Variants in HMCN2 observed in about 807,000 individuals in gnomAD.
The protein encoded by HMCN2 is hemicentin 2.
Under a neutral mutation model 377.5 loss-of-function variants are expected in HMCN2, and 325 were observed. The ratio of observed to expected loss-of-function variants is 0.86; its 90% confidence interval spans 0.79 to 0.94. The LOEUF (loss-of-function observed/expected upper bound fraction) is 0.94, where lower values mean the gene tolerates loss of function less well. Ranked by LOEUF, HMCN2 falls within the 40% of genes least tolerant of loss-of-function variation. HMCN2 has a pLI of 0.00. For synonymous variants in HMCN2, 2,007 were observed against 2,046.8 expected (o/e 0.98, Z 0.53); for missense variants, 4,543 against 4,725.3 (o/e 0.96, Z 1.13).
chr9:130,422,752 G>C lies in HMCN2; in HGVS notation c.13381+26G>C. On this transcript the variant is annotated intron_variant, in intron 87 of 97. Coordinates refer to ENST00000683500, the MANE Select transcript of HMCN2 (RefSeq NM_001291815.2). The surrounding 1 kb of genome is among the most constrained non-coding windows in gnomAD (Gnocchi z 4.2). The stretch of plus-strand genomic sequence containing the variant: ...GTGAGTGGAAGGCAGAGCATCACCT[G>C]CCTCTGGGTTATTGTCACAGCCCAG... 1 of 1,265,418 alleles carries C rather than the reference G, an allele frequency of 7.9e-7. No homozygotes were observed. The highest frequency in any genetic ancestry group is 4.2e-5 in the Admixed American group (1 of 23,832). The allele number at this position is 1,265,418 out of a possible 1,614,324, so 78.4% of individuals were successfully genotyped here.
chr9:130,393,893 G>T lies in HMCN2; in HGVS notation c.10386G>T (p.Glu3462Asp). Residue 3462 changes from glutamate to aspartate, a missense_variant, in exon 68 of 98, where the codon GAG becomes GAT. By Grantham distance (45) the Glu-to-Asp change is conservative. Around this residue, in one of 5 missense-constraint regions of HMCN2, gnomAD observed 1,073 missense variants for 1,319.5 expected, o/e 0.81. Transcript: ENST00000683500. The surrounding 1 kb of genome is among the most constrained non-coding windows in gnomAD (Gnocchi z 5.2). ...DGEPLLSQSL[E>D]QGPSLQLEAV... ...AACCCTTGTTGTCCCAGAGCCTCGA[G>T]CAGGGGCCCAGCCTGCAGCTGGAGG... The T allele has an allele frequency of 7.8e-7, 1 of 1,289,682 alleles. No homozygotes were observed. The highest frequency in any genetic ancestry group is 1.0e-6 in the Non-Finnish European group (1 of 988,820). 79.9% of individuals were successfully genotyped at this position (1,289,682 alleles called of 1,614,324 possible).
At chr9:130,376,825 G>C (rs10901254) in intron 52 of HMCN2, among the ~76,000 whole-genome samples, 167 bp downstream of exon 52, 95,926 of 151,960 alleles carry the variant, frequency 0.63, 32,255 homozygotes, top group East Asian at 0.85. Flanking sequence ...GAGATGGAGT[G>C]TTGCTCTGTC....
At chr9:130,272,647 C>T (rs1221524320) in intron 1 of HMCN2, among the ~76,000 whole-genome samples, 2 of 152,138 alleles carry the variant, frequency 1.3e-5, no homozygotes, top group East Asian at 3.9e-4. Context: ...TCCCCAAGCT[C>T]AGGTGATCCT....
At chr9:130,293,278 A>ATTTTTTTTTTTTTTTTTTTTTTT (rs1554930691) in intron 4 of HMCN2, among the ~76,000 whole-genome samples, 2 of 30,018 alleles carry the variant, frequency 6.7e-5, no homozygotes, top group African/African-American at 2.3e-4. Flanking sequence ...TACTCACTAA[A>ATTTTTTTTTTTTTTTTTTTTTTT]GTTTTTTTTT....
intron 90 of HMCN2, among the ~76,000 whole-genome samples, 181 bp downstream of exon 90, chr9:130,426,105 A>AC (rs932555497): frequency 1.3e-5 from 2 of 149,000 alleles, no homozygotes; most frequent in Admixed American, 6.7e-5. Flanking sequence ...CCATCCATCC[A>AC]CCCCCCACTC....
intron 84 of HMCN2, 79 bp downstream of exon 84, chr9:130,409,012 C>A: frequency 1.0e-6 from 1 of 966,282 alleles, no homozygotes; most frequent in Middle Eastern, 4.3e-4. Context: ...GAGGGTTCTT[C>A]CTATTGCCCC....
At chr9:130,388,865 T>C (rs533792425) in intron 62 of HMCN2, among the ~76,000 whole-genome samples, 2 of 152,330 alleles carry the variant, frequency 1.3e-5, no homozygotes, top group South Asian at 4.1e-4. Flanking sequence ...GCCCACTGGC[T>C]GACACTGGGC....
intron 25 of HMCN2, among the ~76,000 whole-genome samples, chr9:130,345,774 C>T (rs1256214069): frequency 6.6e-6 from 1 of 151,944 alleles, no homozygotes; most frequent in African/African-American, 2.4e-5. Flanking sequence ...CAAGGACACC[C>T]AGAGCGTGGG....
chr9:130,425,866 G>C lies in HMCN2; in HGVS notation c.13821G>C (p.Ser4607=), dbSNP rs1334451945. The C allele has an allele frequency of 1.9e-6, 3 of 1,550,224 alleles. No homozygotes were observed. Among genetic ancestry groups the C allele is most frequent in the African/African-American group, 1.4e-5 (1 of 73,036 alleles). The part of the protein sequence containing the change: ...VQHLRASAIS[S]AFDPEAEALR... ...ACCTGCGGGCCTCAGCTATCAGCTC[G>C]GCCTTTGATCCAGAGGCCGAGGCCC... The change falls in exon 90 of 98, where the codon TCG becomes TCC. Residue 4607 remains serine (S), a synonymous_variant. Transcript: ENST00000683500.
chr9:130,357,896 A>G lies in HMCN2; in HGVS notation c.5488A>G (p.Thr1830Ala). ...NITAPFLQPV[T>A]LQCIGDGVPT... ...CACAGCTCCTTTCCTGCAGCCTGTG[A>G]CCCTCCAGTGCATAGGGGATGGGGT... Residue 1830 changes from threonine (T) to alanine (A), a missense_variant, in exon 35 of 98, where the codon ACC becomes GCC. Coordinates refer to ENST00000683500, the MANE Select transcript of HMCN2 (RefSeq NM_001291815.2). 7.7e-7 allele frequency: 1 copy of G among 1,303,692 alleles called. No individual in the cohort carries two copies. The highest frequency in any genetic ancestry group is 1.2e-5 in the South Asian group (1 of 80,984). 80.8% of individuals were successfully genotyped at this position (1,303,692 alleles called of 1,614,324 possible).
At chr9:130,356,769 T>A (rs1263006231) in intron 34 of HMCN2, among the ~76,000 whole-genome samples, 1 of 152,238 alleles carries the variant, frequency 6.6e-6, no homozygotes, top group East Asian at 1.9e-4. Flanking sequence ...ATCTCCACTG[T>A]CCACCTCTGT....
At position 130,394,600 on chromosome 9, in the gene HMCN2, G is replaced by A. The variant is rs373087074; in HGVS notation, c.10692+25G>A. On this transcript the variant is annotated intron_variant, in intron 69 of 97. Coordinates refer to ENST00000683500, the MANE Select transcript of HMCN2 (RefSeq NM_001291815.2). The surrounding 1 kb of genome is among the most constrained non-coding windows in gnomAD (Gnocchi z 5.1). ...GGTACCAGTGCCGCCGCCATGGGGCGAGGCTGGGGGTTGGGGGAGAGGGGA... is the reference window on the plus strand; with the variant it reads ...GGTACCAGTGCCGCCGCCATGGGGCAAGGCTGGGGGTTGGGGGAGAGGGGA... The A allele has an allele frequency of 5.9e-5, 74 of 1,263,844 alleles. No homozygotes were observed. In the African/African-American group the frequency reaches 1.0e-3, roughly 17 times the overall value. 78.3% of individuals were successfully genotyped at this position (1,263,844 alleles called of 1,614,324 possible).
Position 130,403,631 on chromosome 9 carries a change from T to C in HMCN2, c.12014-110T>C, listed in dbSNP as rs2131724545. The C allele has an allele frequency of 6.2e-6, 7 of 1,135,172 alleles. No individual in the cohort carries two copies. In the South Asian group the frequency reaches 1.0e-4, roughly 17 times the overall value. The allele number at this position is 1,135,172 out of a possible 1,614,324, so 70.3% of individuals were successfully genotyped here. A position where few individuals can be genotyped will look rare whatever the true frequency, so the allele number is the denominator to read the frequency against. On this transcript the variant is annotated intron_variant, in intron 79 of 97. Transcript: ENST00000683500. Reference sequence around the variant, plus strand: ...CTCCTTCTGTCCCTTGGTCATTCTGTGACCCCAGCAAGTCATTTGCTGCCT... The same window carrying C: ...CTCCTTCTGTCCCTTGGTCATTCTGCGACCCCAGCAAGTCATTTGCTGCCT...
chr9:130,427,531 C>T lies in HMCN2; in HGVS notation c.13977C>T (p.Cys4659=). Residue 4659 remains cysteine (C), a synonymous_variant, in exon 92 of 98, where the codon TGC becomes TGT. Coordinates refer to ENST00000683500, the MANE Select transcript of HMCN2 (RefSeq NM_001291815.2). ...RDECSGGPSP[C]SHACLNAPGR... ...AGTGCTCAGGAGGCCCTAGCCCCTG[C>T]TCCCATGCCTGCCTTAATGCACCCG... 1.3e-6 allele frequency: 2 copies of T among 1,550,548 alleles called. No homozygotes were observed. The highest frequency in any genetic ancestry group is 1.7e-6 in the Non-Finnish European group (2 of 1,146,988).
Position 130,428,454 on chromosome 9 carries a change from C to G in HMCN2, c.14162C>G (p.Pro4721Arg). The change falls in exon 93 of 98, where the codon CCT becomes CGT. Residue 4721 changes from proline to arginine, a missense_variant. Pro to Arg is a moderately radical substitution (Grantham distance 103). Transcript: ENST00000683500. This position sits in a 1 kb window ranked among gnomAD's most constrained non-coding sequence, Gnocchi z 5.0. ...TACCGCTGCCTCCCCGACTGTGGGCCTGGCTTCCGGGTGGCTGATGGGGCC... is the reference window on the plus strand; with the variant it reads ...TACCGCTGCCTCCCCGACTGTGGGCGTGGCTTCCGGGTGGCTGATGGGGCC... The part of the protein sequence containing the change: ...GSYRCLPDCG[P>R]GFRVADGAGC... The G allele has an allele frequency of 6.5e-7, 1 of 1,544,516 alleles. No homozygotes were observed. The highest frequency in any genetic ancestry group is 8.7e-7 in the Non-Finnish European group (1 of 1,146,922).
chr9:130,295,619 C>A, intron 5 of HMCN2, 47 bp from the exon 6 acceptor site: 1 of 451,354 alleles, frequency 2.2e-6, no homozygotes, highest in Non-Finnish European at 4.6e-6. Flanking sequence ...GCTCCTGCCA[C>A]CCCCAGCAAA....
At chr9:130,330,178 T>C (rs1407038952) in intron 22 of HMCN2, among the ~76,000 whole-genome samples, 2 of 151,956 alleles carry the variant, frequency 1.3e-5, no homozygotes, top group African/African-American at 4.8e-5. Context: ...TGCTCATCTC[T>C]TGACAGGGGC....
Position 130,360,314 on chromosome 9 carries a change from GCATCTCTCTTCCTTTCCC to G in HMCN2, c.5774-112_5774-95del. 1 of 593,074 alleles carries G rather than the reference GCATCTCTCTTCCTTTCCC, an allele frequency of 1.7e-6. No homozygotes were observed. Among genetic ancestry groups the G allele is most frequent in the Non-Finnish European group, 2.4e-6 (1 of 411,632 alleles). The allele number at this position is 593,074 out of a possible 1,614,324, so 36.7% of individuals were successfully genotyped here. ...TTGCTTCTCTCTTCCATTCCCCCTTGCATCTCTCTTCCTTTCCCCCTTGCATCTCTCTTCCTTTCCCCC... is the reference window on the plus strand; with the variant it reads ...TTGCTTCTCTCTTCCATTCCCCCTTGCCTTGCATCTCTCTTCCTTTCCCCC... On this transcript the variant is annotated intron_variant, in intron 37 of 97. Coordinates refer to ENST00000683500, the MANE Select transcript of HMCN2 (RefSeq NM_001291815.2). This position sits in a 1 kb window ranked among gnomAD's most constrained non-coding sequence, Gnocchi z 4.7.
At position 130,360,542 on chromosome 9, in the gene HMCN2, A is replaced by G. The variant is rs1399498841; in HGVS notation, c.5888A>G (p.Tyr1963Cys). The G allele has an allele frequency of 3.8e-6, 5 of 1,304,186 alleles. No homozygotes were observed. Among genetic ancestry groups the G allele is most frequent in the Non-Finnish European group, 1.0e-6 (1 of 988,918 alleles). The allele number at this position is 1,304,186 out of a possible 1,614,324, so 80.8% of individuals were successfully genotyped here. ...EQAQLSDAGS[Y>C]RCVASNVAGS... ...GCCCAGCTTTCTGATGCTGGGAGCT[A>G]CCGCTGTGTGGCATCCAATGTGGCA... Residue 1963 changes from tyrosine to cysteine, a missense_variant, in exon 38 of 98, where the codon TAC (tyrosine) becomes TGC (cysteine). Tyr to Cys is a radical substitution (Grantham distance 194, BLOSUM62 -2). This residue lies in a region of HMCN2 where 1,032 missense variants were observed against 1,285.1 expected (regional missense o/e 0.80). Coordinates refer to ENST00000683500, the MANE Select transcript of HMCN2 (RefSeq NM_001291815.2). This position sits in a 1 kb window ranked among gnomAD's most constrained non-coding sequence, Gnocchi z 4.7.
Sources: gnomAD v4.1 joint callset for allele counts (sites outside exome capture counted in the v4.1 genomes callset) on GRCh38, gnomAD v4.1.1 for gene constraint, gnomAD v4.1.1 regional missense constraint, Gnocchi (gnomAD v3.1) non-coding constraint, MANE v1.5 for transcripts, NCBI Gene and HGNC (gene_info 2026-07-23, HGNC 2026-07-21) for gene names.